The following PLEKHA7 variants were observed in gnomAD, a reference collection of about 807,000 sequenced individuals.
PLEKHA7 encodes the protein pleckstrin homology domain-containing family A member 7.
PLEKHA7 carries 104 observed loss-of-function variants against 170.0 expected under a neutral mutation model. The observed-to-expected ratio is 0.61, with a 90% confidence interval of 0.52 to 0.72. The LOEUF is 0.72. Among genes scored for constraint, PLEKHA7 ranks in the 30% least tolerant of loss-of-function variants. PLEKHA7 has a pLI of 0.00. For missense variants in PLEKHA7, 1,615 were observed against 1,671.7 expected, an observed-to-expected ratio of 0.97 and a Z score of 0.59; for synonymous variants, 648 against 660.8, an observed-to-expected ratio of 0.98 and a Z score of 0.30.
At position 16,789,680 on chromosome 11, in the gene PLEKHA7, A is replaced by C. The variant is rs944068743; in HGVS notation, c.3156+95T>G. On this transcript the variant is annotated intron_variant, in intron 22 of 26. Coordinates refer to ENST00000531066, the MANE Select transcript of PLEKHA7 (RefSeq NM_001329630.2). The surrounding 1 kb of genome is among the most constrained non-coding windows in gnomAD (Gnocchi z 4.6). ...TGAGGCCACCCCAGAGGCCATCCCC[A>C]GGGCTGAAGGGATGGCCAGTTACTG... 1 of 1,132,534 alleles carries C rather than the reference A, an allele frequency of 8.8e-7. No homozygotes were observed. The allele number at this position is 1,132,534 out of a possible 1,614,324, so 70.2% of individuals were successfully genotyped here. A position where few individuals can be genotyped will look rare whatever the true frequency, so the allele number is the denominator to read the frequency against.
rs1009430532 is a variant in PLEKHA7, at chr11:16,801,072, T to C, written c.2311A>G (p.Met771Val). The C allele has an allele frequency of 8.7e-6, 14 of 1,613,990 alleles. No homozygotes were observed. The highest frequency in any genetic ancestry group is 1.2e-5 in the Non-Finnish European group (14 of 1,179,844). ...AGGTATTCGTTCCAAGCATTTTCCA[T>C]CTCCTGTTGGCCAAGACAATGCTTC... The part of the protein sequence containing the change: ...RAELSRESTE[M>V]ENAWNEYLKL... Residue 771 changes from methionine to valine, a missense_variant, in exon 17 of 27, where the codon ATG becomes GTG. By Grantham distance (21) the Met-to-Val change is conservative. Transcript: ENST00000531066.
intron 3 of PLEKHA7, among the ~76,000 whole-genome samples, chr11:16,879,328 CCTTTA>C (rs1388505728): frequency 1.3e-5 from 2 of 152,184 alleles, no homozygotes; most frequent in Admixed American, 1.3e-4. Context: ...CACTTGAACC[CCTTTA>C]CTTCAAAACA....
chr11:16,791,048 T>C lies in PLEKHA7; in HGVS notation c.2897A>G (p.Asp966Gly), dbSNP rs1411538949. 2 of 1,614,050 alleles carry C rather than the reference T, an allele frequency of 1.2e-6. No homozygotes were observed. The highest frequency in any genetic ancestry group is 1.7e-5 in the Admixed American group (1 of 60,024). Residue 966 changes from aspartate (D) to glycine (G), a missense_variant, in exon 20 of 27, where the codon GAC becomes GGC. Asp to Gly is a moderately conservative substitution (Grantham distance 94). Coordinates refer to ENST00000531066, the MANE Select transcript of PLEKHA7 (RefSeq NM_001329630.2). The surrounding 1 kb of genome is among the most constrained non-coding windows in gnomAD (Gnocchi z 4.5). ...LKRQSDERKR[D>G]RELGQCVNGD... is the part of the protein sequence containing the mutation. ...ATTCACACACTGCCCCAGCTCCCGG[T>C]CTCGCTTCCTCTCGTCTGACTGCCG...
At chr11:16,846,056 G>A (rs995675704) in intron 8 of PLEKHA7, among the ~76,000 whole-genome samples, 8 of 152,226 alleles carry the variant, frequency 5.3e-5, no homozygotes, top group African/African-American at 9.6e-5. Context: ...AGGCCGAGGC[G>A]GGTGGGTCAC....
chr11:16,909,807 C>T (rs1174096509), intron 3 of PLEKHA7, among the ~76,000 whole-genome samples: 1 of 152,204 alleles, frequency 6.6e-6, no homozygotes, highest in Non-Finnish European at 1.5e-5. Context: ...ATTAACCATG[C>T]TCCTCTCTGG....
intron 3 of PLEKHA7, among the ~76,000 whole-genome samples, chr11:16,938,481 A>G (rs1860461773): frequency 1.3e-5 from 2 of 152,096 alleles, no homozygotes; most frequent in Admixed American, 1.3e-4. Context: ...ATATTCTAAG[A>G]TAGGTGCCCC....
intron 3 of PLEKHA7, among the ~76,000 whole-genome samples, chr11:16,892,641 T>TTTTTTTTC (rs1554965016): frequency 3.5e-5 from 5 of 141,162 alleles, no homozygotes; most frequent in Non-Finnish European, 4.6e-5. Context: ...TTTTTTTTTT[T>TTTTTTTTC]CGTATTTTTA....
chr11:16,967,104 AT>A (rs1449151235), intron 3 of PLEKHA7, among the ~76,000 whole-genome samples: 1 of 152,242 alleles, frequency 6.6e-6, no homozygotes, highest in Non-Finnish European at 1.5e-5. Flanking sequence ...TGCAGAAAGC[AT>A]TCTAAGACAC....
At chr11:16,851,377 G>A in intron 7 of PLEKHA7, 86 bp from the exon 8 acceptor site, 1 of 910,110 alleles carries the variant, frequency 1.1e-6, no homozygotes, top group African/African-American at 1.7e-5. Context: ...CTTCAGCCAA[G>A]TTGTTTCCTC....
Position 16,789,526 on chromosome 11 carries a change from G to T in PLEKHA7, c.3157-230C>A. 1.6e-6 allele frequency: 1 copy of T among 618,390 alleles called. No homozygotes were observed. The highest frequency in any genetic ancestry group is 2.8e-6 in the Non-Finnish European group (1 of 353,168). The allele number at this position is 618,390 out of a possible 1,614,324, so 38.3% of individuals were successfully genotyped here. The stretch of plus-strand genomic sequence containing the variant: ...TGCAGATGCAGACACTTAGGCTCAG[G>T]CCTGTCCAGTGAGGCCAGAACCCAG... On this transcript the variant is annotated intron_variant, in intron 22 of 26. Transcript: ENST00000531066. This position sits in a 1 kb window ranked among gnomAD's most constrained non-coding sequence, Gnocchi z 4.6.
At chr11:16,996,445 G>A (rs1864343411) in intron 3 of PLEKHA7, among the ~76,000 whole-genome samples, 2 of 152,176 alleles carry the variant, frequency 1.3e-5, no homozygotes, top group African/African-American at 4.8e-5. Context: ...CTTCTCAGTG[G>A]AAAAGACCTA....
Position 16,789,300 on chromosome 11 carries a change from A to G in PLEKHA7, c.3157-4T>C, listed in dbSNP as rs1382677968. 2.5e-6 allele frequency: 4 copies of G among 1,612,640 alleles called. No homozygotes were observed. In the South Asian group the frequency reaches 4.4e-5, roughly 18 times the overall value. On this transcript the variant is annotated splice_polypyrimidine_tract_variant and splice_region_variant and intron_variant, in intron 22 of 26. Transcript: ENST00000531066. This position sits in a 1 kb window ranked among gnomAD's most constrained non-coding sequence, Gnocchi z 4.6. ...GCTCCAAGGCACTCTTAGGTCTCTG[A>G]GGAAGAGGAGGCAGGCAAGAGAGAC...
At chr11:16,803,326 A>G in intron 13 of PLEKHA7, 31 bp from the exon 14 acceptor site, 1 of 1,591,470 alleles carries the variant, frequency 6.3e-7, no homozygotes, top group Non-Finnish European at 8.6e-7. Flanking sequence ...AAGAGATTTA[A>G]CCATGGTGTT....
At chr11:16,870,970 G>A (rs1018131380) in intron 4 of PLEKHA7, 129 bp downstream of exon 4, 4 of 609,000 alleles carry the variant, frequency 6.6e-6, no homozygotes, top group Non-Finnish European at 2.9e-6. Context: ...ATTCCTGTTT[G>A]AATCAACCAA....
intron 3 of PLEKHA7, among the ~76,000 whole-genome samples, chr11:16,919,498 G>T (rs1215128195): frequency 1.3e-5 from 2 of 151,860 alleles, no homozygotes; most frequent in African/African-American, 2.4e-5. Flanking sequence ...AACATAGTGA[G>T]ATCTCACCTC....
chr11:16,939,485 G>C (rs1251749523), intron 3 of PLEKHA7, among the ~76,000 whole-genome samples: 1 of 152,112 alleles, frequency 6.6e-6, no homozygotes, highest in African/African-American at 2.4e-5. Context: ...AAGCTATGAA[G>C]ATTAATTAAA....
intron 3 of PLEKHA7, among the ~76,000 whole-genome samples, chr11:16,990,287 A>AAAAAAAAAAACC (rs1554992437): frequency 0.014 from 1,516 of 111,206 alleles, 108 homozygotes; most frequent in Admixed American, 0.075. Flanking sequence ...AAAAAAAAAA[A>AAAAAAAAAAACC]AAAAAAAAAA....
At chr11:16,780,137 C>T (rs1848916532) in intron 26 of PLEKHA7, among the ~76,000 whole-genome samples, 1 of 152,204 alleles carries the variant, frequency 6.6e-6, no homozygotes, top group Non-Finnish European at 1.5e-5. Context: ...GATGGGATGT[C>T]AGGGTAAGGA....
At chr11:16,948,874 A>AG (rs1312172441) in intron 3 of PLEKHA7, among the ~76,000 whole-genome samples, 1 of 152,162 alleles carries the variant, frequency 6.6e-6, no homozygotes, top group East Asian at 1.9e-4. Flanking sequence ...TCCTCAACAC[A>AG]GGTCCTGTGG....
Sources: allele counts gnomAD v4.1 joint callset (sites outside exome capture counted in the v4.1 genomes callset), GRCh38; gene constraint gnomAD v4.1.1; non-coding constraint Gnocchi (gnomAD v3.1); transcripts MANE v1.5; gene names NCBI Gene and HGNC (gene_info 2026-07-23, HGNC 2026-07-21).